The following LINGO2 variants were observed in gnomAD, a reference collection of about 807,000 sequenced individuals.
LINGO2 encodes the protein leucine rich repeat and Ig domain containing 2.
Under a neutral mutation model 30.6 loss-of-function variants are expected in LINGO2, and 14 were observed. That is an observed-to-expected ratio of 0.46 (90% CI 0.30 to 0.72). The LOEUF is 0.72. Ranked by LOEUF, LINGO2 falls within the 30% of genes least tolerant of loss-of-function variation. The pLI, the probability that LINGO2 is intolerant of heterozygous loss-of-function variation, is 0.07. For missense variants in LINGO2, 729 were observed against 751.7 expected (o/e 0.97, Z 0.35); for synonymous variants, 317 against 288.5 (o/e 1.10, Z -1.00).
intron 4 of LINGO2, among the ~76,000 whole-genome samples, chr9:28,210,075 C>A (rs1421211901): frequency 1.3e-5 from 2 of 151,602 alleles, no homozygotes; most frequent in African/African-American, 4.8e-5. Context: ...AAGAGGGAAA[C>A]AATTTATGTT....
intron 5 of LINGO2, among the ~76,000 whole-genome samples, chr9:28,010,714 A>G (rs933602616): frequency 2.6e-5 from 4 of 152,190 alleles, no homozygotes; most frequent in African/African-American, 9.7e-5. Context: ...GCACTTTGGG[A>G]GGCAGAGATG....
intron 4 of LINGO2, among the ~76,000 whole-genome samples, chr9:28,214,902 T>C (rs1021430837): frequency 1.3e-5 from 2 of 151,836 alleles, no homozygotes; most frequent in Admixed American, 1.3e-4. Context: ...ACACAGTAAG[T>C]ATATATTCCA....
intron 1 of LINGO2, among the ~76,000 whole-genome samples, chr9:28,641,507 G>A (rs929704019): frequency 2.6e-5 from 4 of 152,124 alleles, no homozygotes; most frequent in African/African-American, 4.8e-5. Flanking sequence ...TGCTGTAGCT[G>A]AATGTACAAG....
At chr9:28,077,495 C>G (rs1825659111) in intron 4 of LINGO2, among the ~76,000 whole-genome samples, 2 of 152,188 alleles carry the variant, frequency 1.3e-5, no homozygotes, top group South Asian at 4.1e-4. Flanking sequence ...CATTCATTCA[C>G]TTAAAACTAT....
At chr9:28,956,849 C>T in the LINGO2 span, among the ~76,000 whole-genome samples, 6 of 146,674 alleles carry the variant, frequency 4.1e-5, no homozygotes, top group South Asian at 4.5e-4. Context: ...GATTCTAAGA[C>T]TACCACAATG....
At chr9:28,642,793 GAACA>G (rs1827657702) in intron 1 of LINGO2, among the ~76,000 whole-genome samples, 3 of 152,050 alleles carry the variant, frequency 2.0e-5, no homozygotes, top group Non-Finnish European at 2.9e-5. Context: ...TTCAACTACA[GAACA>G]AACAGCTGGT....
At chr9:28,998,583 T>C in the LINGO2 span, among the ~76,000 whole-genome samples, 1 of 152,072 alleles carries the variant, frequency 6.6e-6, no homozygotes, top group Non-Finnish European at 1.5e-5. Flanking sequence ...CAATTTAATT[T>C]GAATTAATAG....
chr9:29,085,838 G>C, the LINGO2 span, among the ~76,000 whole-genome samples: 1 of 152,102 alleles, frequency 6.6e-6, no homozygotes, highest in African/African-American at 2.4e-5. Flanking sequence ...CAATGAGGTT[G>C]TGTAATTTGC....
downstream of LINGO2, among the ~76,000 whole-genome samples, chr9:27,944,683 C>G (rs1038263088): frequency 1.3e-5 from 2 of 152,042 alleles, no homozygotes; most frequent in African/African-American, 4.8e-5. Flanking sequence ...AATAACCAGG[C>G]ACATGATGTA....
chr9:27,978,488 A>G (rs1820709016), intron 5 of LINGO2, among the ~76,000 whole-genome samples: 1 of 152,014 alleles, frequency 6.6e-6, no homozygotes, highest in South Asian at 2.1e-4. Flanking sequence ...TGCCCTTATA[A>G]AAGGGACCCC....
chr9:28,241,277 AAAAAAAAAAAAAAAAGAAAAAAG>A (rs1418671722), intron 4 of LINGO2, among the ~76,000 whole-genome samples: 2 of 39,830 alleles, frequency 5.0e-5, no homozygotes, highest in African/African-American at 2.6e-4. Flanking sequence ...CAAAAAAAAA[AAAAAAAAAAAAAAAAGAAAAAAG>A]AAAAAAAAAA....
chr9:27,978,711 G>T (rs1820721138), intron 5 of LINGO2, among the ~76,000 whole-genome samples: 1 of 151,924 alleles, frequency 6.6e-6, no homozygotes, highest in Non-Finnish European at 1.5e-5. Flanking sequence ...ACTAAGACAG[G>T]TCTCTTCTAG....
chr9:28,076,621 T>C (rs1383422993), intron 4 of LINGO2, among the ~76,000 whole-genome samples: 3 of 152,152 alleles, frequency 2.0e-5, no homozygotes, highest in African/African-American at 7.2e-5. Context: ...AATTATTTAC[T>C]TCTGAAACAT....
rs866401097 is a variant in LINGO2, at chr9:28,279,330, G to T, written c.-87+15878C>A. Among the ~76,000 whole-genome samples the T allele has an allele frequency of 3.3e-4, 50 of 152,310 alleles. 1 individual carries two copies. The highest frequency in any genetic ancestry group is 1.2e-3 in the African/African-American group (50 of 41,584). On this transcript the variant is annotated intron_variant, in intron 4 of 5. Coordinates refer to ENST00000379992, the Ensembl canonical transcript of LINGO2. ...TTCCAATTCTGAAAGAAATTCTATT[G>T]TGGGTAAAATGCTACCATACAGCAT...
At chr9:28,632,296 C>T in intron 1 of LINGO2, among the ~76,000 whole-genome samples, 1 of 152,020 alleles carries the variant, frequency 6.6e-6, no homozygotes, top group East Asian at 1.9e-4. Flanking sequence ...AAAGCCTTGA[C>T]TTTATGACCA....
intron 4 of LINGO2, among the ~76,000 whole-genome samples, chr9:28,153,198 A>G (rs1255755956): frequency 6.6e-6 from 1 of 152,136 alleles, no homozygotes; most frequent in Non-Finnish European, 1.5e-5. Flanking sequence ...AAATATCAAT[A>G]ATTTTGACCT....
At chr9:28,429,510 C>G (rs1266852983) in intron 2 of LINGO2, among the ~76,000 whole-genome samples, 1 of 152,080 alleles carries the variant, frequency 6.6e-6, no homozygotes, top group Non-Finnish European at 1.5e-5. Flanking sequence ...TAGGAGAGAA[C>G]TACCAATATG....
the LINGO2 span, among the ~76,000 whole-genome samples, chr9:29,169,745 G>A: frequency 6.6e-6 from 1 of 152,200 alleles, no homozygotes; most frequent in Admixed American, 6.5e-5. Flanking sequence ...GCTCACGCCT[G>A]TAATCCCAGC....
chr9:28,681,751 T>A, the LINGO2 span, among the ~76,000 whole-genome samples: 1 of 152,058 alleles, frequency 6.6e-6, no homozygotes, highest in Non-Finnish European at 1.5e-5. Flanking sequence ...AATCCTAAAA[T>A]AGTTCAGCCT....
Sources: allele counts gnomAD v4.1 joint callset (sites outside exome capture counted in the v4.1 genomes callset), GRCh38; gene constraint gnomAD v4.1.1; transcripts MANE v1.5; gene names NCBI Gene and HGNC (gene_info 2026-07-23, HGNC 2026-07-21).